SGCZ: variants seen among roughly 807,000 people sequenced by gnomAD.
SGCZ encodes the protein sarcoglycan zeta.
In SGCZ, 40 loss-of-function variants were observed where a neutral mutation model predicts 41.3. The observed-to-expected ratio is 0.97, with a 90% CI of 0.75 to 1.26. SGCZ has a LOEUF of 1.26. Ranked by LOEUF, SGCZ falls within the 50% of genes most tolerant of loss-of-function variation. SGCZ has a pLI of 0.00. For synonymous variants in SGCZ, 206 were observed against 137.5 expected (o/e 1.50, Z -3.49); for missense variants, 552 against 369.8 (o/e 1.49, Z -4.04).
intron 5 of SGCZ, among the ~76,000 whole-genome samples, chr8:14,110,176 T>C (rs1802329736): frequency 6.6e-6 from 1 of 152,136 alleles, no homozygotes; most frequent in Non-Finnish European, 1.5e-5. Context: ...GGGGATAGCA[T>C]TTGAAAGAAT....
At chr8:14,848,508 T>C (rs1803209302) in intron 1 of SGCZ, among the ~76,000 whole-genome samples, 2 of 152,274 alleles carry the variant, frequency 1.3e-5, no homozygotes, top group South Asian at 4.1e-4. Flanking sequence ...ATAATAGACA[T>C]ATTGATCAAT....
intron 1 of SGCZ, among the ~76,000 whole-genome samples, chr8:15,198,740 T>C (rs1443886297): frequency 6.6e-6 from 1 of 152,194 alleles, no homozygotes; most frequent in African/African-American, 2.4e-5. Flanking sequence ...TACTTAGGCA[T>C]AGCTAAATAC....
intron 2 of SGCZ, chr8:14,487,888 G>C (rs1021020938): frequency 6.6e-6 from 1 of 152,132 alleles, no homozygotes; most frequent in African/African-American, 2.4e-5. Context: ...GCGTCTTAAG[G>C]ACTGGCGTTT....
At chr8:14,150,666 T>A (rs1803673000) in intron 5 of SGCZ, among the ~76,000 whole-genome samples, 1 of 152,112 alleles carries the variant, frequency 6.6e-6, no homozygotes, top group Admixed American at 6.6e-5. Context: ...GCAATCCTAC[T>A]GCTGGGTGTA....
chr8:14,198,144 T>C (rs1805328025), intron 4 of SGCZ, among the ~76,000 whole-genome samples: 1 of 152,196 alleles, frequency 6.6e-6, no homozygotes, highest in South Asian at 2.1e-4. Context: ...CTGTTCTGAG[T>C]AGCATGATGA....
chr8:14,348,729 A>C (rs1172405810), intron 2 of SGCZ, among the ~76,000 whole-genome samples: 1 of 152,196 alleles, frequency 6.6e-6, no homozygotes, highest in Non-Finnish European at 1.5e-5. Flanking sequence ...TGGTGTAAGA[A>C]GAACATAATC....
intron 1 of SGCZ, among the ~76,000 whole-genome samples, chr8:14,909,786 T>C (rs1006807807): frequency 6.6e-6 from 1 of 152,152 alleles, no homozygotes. Context: ...CAAAGCACTC[T>C]GGTTTGTCCA....
chr8:14,717,084 T>A (rs553350546), intron 1 of SGCZ, among the ~76,000 whole-genome samples: 1 of 152,184 alleles, frequency 6.6e-6, no homozygotes, highest in East Asian at 1.9e-4. Flanking sequence ...ATTTCATGAT[T>A]TATAAAGTTG....
intron 1 of SGCZ, among the ~76,000 whole-genome samples, chr8:14,652,001 G>A (rs1037072844): frequency 1.3e-5 from 2 of 151,826 alleles, no homozygotes; most frequent in East Asian, 1.9e-4. Context: ...TGTGTTTCCT[G>A]TGACTTTGGG....
intron 1 of SGCZ, among the ~76,000 whole-genome samples, chr8:14,912,749 G>A (rs1799314239): frequency 6.6e-6 from 1 of 152,030 alleles, no homozygotes; most frequent in South Asian, 2.1e-4. Context: ...CCACTCTTTT[G>A]CCAGAATGCA....
At chr8:14,661,357 A>T (rs555384416) in intron 1 of SGCZ, among the ~76,000 whole-genome samples, 1 of 152,318 alleles carries the variant, frequency 6.6e-6, no homozygotes, top group South Asian at 2.1e-4. Flanking sequence ...TGGCCTAGAA[A>T]ATATGAAAAA....
At chr8:14,794,551 A>T (rs1482222111) in intron 1 of SGCZ, among the ~76,000 whole-genome samples, 1 of 152,216 alleles carries the variant, frequency 6.6e-6, no homozygotes, top group African/African-American at 2.4e-5. Context: ...GACTGTACAA[A>T]ATAAGAGAAC....
At chr8:14,469,072 T>G (rs762942877) in intron 2 of SGCZ, among the ~76,000 whole-genome samples, 8 of 152,084 alleles carry the variant, frequency 5.3e-5, no homozygotes, top group Admixed American at 1.3e-4. Flanking sequence ...CCAAAATGGA[T>G]TATTTCAAAA....
intron 1 of SGCZ, among the ~76,000 whole-genome samples, chr8:15,015,632 G>C (rs146903168): frequency 3.6e-5 from 5 of 140,558 alleles, no homozygotes; most frequent in African/African-American, 1.1e-4. Context: ...AGCTTGCAGT[G>C]AGCCGAAATC....
chr8:14,751,927 G>C (rs1317049084), intron 1 of SGCZ, among the ~76,000 whole-genome samples: 1 of 145,968 alleles, frequency 6.9e-6, no homozygotes, highest in African/African-American at 2.6e-5. Flanking sequence ...GTGAGACTCC[G>C]ACTCAAGAAA....
chr8:14,454,055 C>T (rs1800672878), intron 2 of SGCZ, among the ~76,000 whole-genome samples: 1 of 152,092 alleles, frequency 6.6e-6, no homozygotes, highest in African/African-American at 2.4e-5. Flanking sequence ...AGGATATTGA[C>T]CTTCCAGTTG....
At chr8:14,764,290 A>G (rs1799975310) in intron 1 of SGCZ, among the ~76,000 whole-genome samples, 1 of 152,234 alleles carries the variant, frequency 6.6e-6, no homozygotes, top group Non-Finnish European at 1.5e-5. Flanking sequence ...AAACCCTAAT[A>G]GATTGATGCA....
At chr8:14,358,844 C>T (rs1250931819) in intron 2 of SGCZ, among the ~76,000 whole-genome samples, 2 of 152,004 alleles carry the variant, frequency 1.3e-5, no homozygotes, top group African/African-American at 2.4e-5. Flanking sequence ...CTCCTGACCT[C>T]GTGATCCACC....
intron 1 of SGCZ, among the ~76,000 whole-genome samples, chr8:15,008,344 T>C (rs906921135): frequency 2.6e-5 from 4 of 151,962 alleles, no homozygotes; most frequent in Non-Finnish European, 5.9e-5. Context: ...ATTGTTTTAG[T>C]TGTTTCATTT....
Sources: gnomAD v4.1 joint callset for allele counts (sites outside exome capture counted in the v4.1 genomes callset) on GRCh38, gnomAD v4.1.1 for gene constraint, MANE v1.5 for transcripts, NCBI Gene and HGNC (gene_info 2026-07-23, HGNC 2026-07-21) for gene names.